POU6F2: variants seen among roughly 807,000 people sequenced by gnomAD.
The protein encoded by POU6F2 is POU domain, class 6, transcription factor 2.
Under a neutral mutation model 71.3 loss-of-function variants are expected in POU6F2, and 31 were observed. The ratio of observed to expected loss-of-function variants is 0.43; its 90% CI spans 0.33 to 0.59. POU6F2 has a LOEUF of 0.59. POU6F2 is among the 20% of genes least tolerant of loss of function. The pLI is 0.04. For synonymous variants in POU6F2, 347 were observed against 355.7 expected (o/e 0.98, Z 0.27); for missense variants, 783 against 856.8 (o/e 0.91, Z 1.07).
At chr7:39,031,748 G>C (rs1789947904) in intron 1 of POU6F2, among the ~76,000 whole-genome samples, 1 of 152,090 alleles carries the variant, frequency 6.6e-6, no homozygotes, top group African/African-American at 2.4e-5. Flanking sequence ...AGGCATGGTG[G>C]TGCACATCTG....
intron 1 of POU6F2, among the ~76,000 whole-genome samples, chr7:39,040,148 G>C (rs1790162696): frequency 3.1e-5 from 1 of 32,652 alleles, no homozygotes; most frequent in African/African-American, 9.6e-5. Flanking sequence ...ATCCCAGATT[G>C]ACTGAGTTAA....
intron 2 of POU6F2, among the ~76,000 whole-genome samples, chr7:39,159,225 G>T (rs1020509545): frequency 1.3e-5 from 2 of 151,954 alleles, no homozygotes; most frequent in Non-Finnish European, 2.9e-5. Flanking sequence ...CCCTCCTCCA[G>T]TGTCACATTA....
intron 2 of POU6F2, among the ~76,000 whole-genome samples, chr7:39,154,790 GCTCAAGGCATAGTAATCTTT>G (rs1483126741): frequency 6.6e-6 from 1 of 152,068 alleles, no homozygotes; most frequent in Non-Finnish European, 1.5e-5. Flanking sequence ...GACTGCCCTG[GCTCAAGGCATAGTAATCTTT>G]CCCTTTGTTT....
At chr7:39,441,650 A>C (rs1445328269) in intron 7 of POU6F2, among the ~76,000 whole-genome samples, 1 of 152,228 alleles carries the variant, frequency 6.6e-6, no homozygotes, top group Non-Finnish European at 1.5e-5. Flanking sequence ...CAAATGCTGC[A>C]GAAATAAAAT....
chr7:39,029,814 T>C (rs1291574905), intron 1 of POU6F2, among the ~76,000 whole-genome samples: 1 of 152,194 alleles, frequency 6.6e-6, no homozygotes, highest in East Asian at 1.9e-4. Flanking sequence ...TTGTTCATCT[T>C]TAAATTTAAT....
chr7:39,072,194 G>A (rs1198139726), intron 1 of POU6F2, among the ~76,000 whole-genome samples: 4 of 152,202 alleles, frequency 2.6e-5, no homozygotes, highest in African/African-American at 9.7e-5. Flanking sequence ...CCCCTGTGGA[G>A]TTATAGTGCA....
chr7:39,300,936 C>G (rs142760094), intron 4 of POU6F2, among the ~76,000 whole-genome samples: 1 of 152,220 alleles, frequency 6.6e-6, no homozygotes, highest in Non-Finnish European at 1.5e-5. Context: ...GGGAAACTCA[C>G]TACCACTTTT....
rs555220474 is a variant in POU6F2 at position 39,452,029 on chromosome 7, A to G, written c.1489+328A>G. Among the ~76,000 whole-genome samples, 10 of 152,346 alleles carry G rather than the reference A, an allele frequency of 6.6e-5. No homozygotes were observed. The East Asian group carries it at 1.9e-3, about 29-fold the overall frequency. On this transcript the variant is annotated intron_variant, in intron 8 of 9. Transcript: ENST00000518318. ...GATCAGCTTTCAGGGCATGAGCCAC[A>G]TAGCTCACAACTGAAATAACCAACA...
Position 39,397,479 on chromosome 7 carries a change from CATAT to C in POU6F2, c.973-9101_973-9098del, listed in dbSNP as rs138498102. Among the ~76,000 whole-genome samples, 1,129 of 142,434 alleles carry C rather than the reference CATAT, an allele frequency of 7.9e-3. 16 individuals carry two copies. The highest frequency in any genetic ancestry group is 0.026 in the African/African-American group (1,031 of 38,982). 93.4% of individuals were successfully genotyped at this position (142,434 alleles called of 152,430 possible). ...ACATATATATAGACATAGAGAGAGACATATATATATATATATATATATACACATT... is the reference window on the plus strand; with the variant it reads ...ACATATATATAGACATAGAGAGAGACATATATATATATATATATACACATT... On this transcript the variant is annotated intron_variant, in intron 5 of 9. Transcript: ENST00000518318.
chr7:39,358,525 G>A (rs979797923), intron 5 of POU6F2, among the ~76,000 whole-genome samples: 3 of 152,198 alleles, frequency 2.0e-5, no homozygotes, highest in Non-Finnish European at 4.4e-5. Context: ...AAATCAGAAT[G>A]TCCTGGATGC....
At chr7:39,455,720 T>TA (rs1788784775) in intron 8 of POU6F2, among the ~76,000 whole-genome samples, 1 of 149,970 alleles carries the variant, frequency 6.7e-6, no homozygotes, top group Non-Finnish European at 1.5e-5. Flanking sequence ...GGAGCTAAAT[T>TA]TAAAAAAACA....
chr7:39,326,604 T>C (rs1323685051), intron 4 of POU6F2, among the ~76,000 whole-genome samples: 2 of 152,206 alleles, frequency 1.3e-5, no homozygotes, highest in African/African-American at 4.8e-5. Context: ...GAGTTCTAAT[T>C]TGCTATTGCA....
At chr7:39,072,926 A>G (rs1229193735) in intron 1 of POU6F2, among the ~76,000 whole-genome samples, 1 of 152,226 alleles carries the variant, frequency 6.6e-6, no homozygotes, top group Admixed American at 6.5e-5. Flanking sequence ...TTGCGTAAAC[A>G]TGATCAGGGT....
intron 4 of POU6F2, among the ~76,000 whole-genome samples, chr7:39,210,979 A>C (rs901870398): frequency 6.6e-6 from 1 of 152,188 alleles, no homozygotes; most frequent in Non-Finnish European, 1.5e-5. Flanking sequence ...ATCAAGGCAC[A>C]GGCAGATTTG....
In POU6F2 at chr7:39,347,928, A is replaced by C. The variant is rs551882887; in HGVS notation, c.972+7913A>C. Among the ~76,000 whole-genome samples, 4 of 143,776 alleles carry C rather than the reference A, an allele frequency of 2.8e-5. 1 individual carries two copies. Among genetic ancestry groups the C allele is most frequent in the African/African-American group, 9.9e-5 (4 of 40,270 alleles). The allele number at this position is 143,776 out of a possible 152,430, so 94.3% of individuals were successfully genotyped here. On this transcript the variant is annotated intron_variant, in intron 5 of 9. Transcript: ENST00000518318. Reference sequence around the variant, plus strand: ...ATTATAGGTGTCAGCCACTGTGCCCAGCCCATCAATATTATTATTAAGAAT... The same window carrying C: ...ATTATAGGTGTCAGCCACTGTGCCCCGCCCATCAATATTATTATTAAGAAT...
At chr7:39,303,668 C>T (rs1018474265) in intron 4 of POU6F2, among the ~76,000 whole-genome samples, 3 of 152,136 alleles carry the variant, frequency 2.0e-5, no homozygotes, top group African/African-American at 7.2e-5. Context: ...GGGAGCAAAG[C>T]TTTAGTACCA....
At chr7:39,375,924 T>C (rs1786702528) in intron 5 of POU6F2, among the ~76,000 whole-genome samples, 1 of 152,138 alleles carries the variant, frequency 6.6e-6, no homozygotes, top group Non-Finnish European at 1.5e-5. Context: ...AAGTAGGCAG[T>C]AGGGGATCAT....
intron 4 of POU6F2, among the ~76,000 whole-genome samples, chr7:39,247,572 A>G (rs761226729): frequency 6.6e-6 from 1 of 152,216 alleles, no homozygotes; most frequent in African/African-American, 2.4e-5. Context: ...TGGCTAATAA[A>G]TGACAGAGAA....
At chr7:39,447,484 T>C (rs1788552229) in intron 7 of POU6F2, among the ~76,000 whole-genome samples, 3 of 152,224 alleles carry the variant, frequency 2.0e-5, no homozygotes, top group African/African-American at 7.2e-5. Context: ...ATACCAGCTG[T>C]GTAATCCCAA....
Sources: allele counts gnomAD v4.1 joint callset (sites outside exome capture counted in the v4.1 genomes callset), GRCh38; gene constraint gnomAD v4.1.1; transcripts MANE v1.5; gene names NCBI Gene and HGNC (gene_info 2026-07-23, HGNC 2026-07-21).